The following KCNH7 variants were observed in gnomAD, a reference collection of about 807,000 sequenced individuals.
The protein encoded by KCNH7 is voltage-gated inwardly rectifying potassium channel KCNH7.
In KCNH7, 49 loss-of-function variants were observed where a neutral mutation model predicts 120.8. The ratio of observed to expected loss-of-function variants is 0.41; its 90% CI spans 0.32 to 0.51. The LOEUF (loss-of-function observed/expected upper bound fraction) is 0.51, where lower values mean the gene tolerates loss of function less well. KCNH7 is among the 20% of genes least tolerant of loss of function. The pLI, the probability that KCNH7 is intolerant of heterozygous loss-of-function variation, is 0.38. For synonymous variants in KCNH7, 547 were observed against 516.1 expected (o/e 1.06, Z -0.81); for missense variants, 1,097 against 1,446.6 (o/e 0.76, Z 3.92).
At chr2:162,637,499 A>G (rs1684004062) in intron 2 of KCNH7, among the ~76,000 whole-genome samples, 1 of 152,140 alleles carries the variant, frequency 6.6e-6, no homozygotes, top group African/African-American at 2.4e-5. Context: ...TTTCACTTAG[A>G]AAGAAGAAAT....
chr2:162,799,190 A>C (rs1684254348), intron 2 of KCNH7, among the ~76,000 whole-genome samples: 1 of 151,960 alleles, frequency 6.6e-6, no homozygotes, highest in African/African-American at 2.4e-5. Context: ...TCTCCTTTTT[A>C]ACTGGCCCTT....
intron 2 of KCNH7, among the ~76,000 whole-genome samples, chr2:162,810,524 G>T (rs1394107535): frequency 1.3e-5 from 2 of 152,018 alleles, no homozygotes; most frequent in Non-Finnish European, 2.9e-5. Context: ...TTGAGTAGAG[G>T]TCAGCTAATA....
At chr2:162,432,488 A>G (rs971718635) in intron 8 of KCNH7, among the ~76,000 whole-genome samples, 2 of 152,084 alleles carry the variant, frequency 1.3e-5, no homozygotes, top group African/African-American at 4.8e-5. Context: ...GGATTTATCT[A>G]AGCACATTTT....
At chr2:162,407,869 A>G (rs1687274241) in intron 9 of KCNH7, among the ~76,000 whole-genome samples, 1 of 152,074 alleles carries the variant, frequency 6.6e-6, no homozygotes, top group Non-Finnish European at 1.5e-5. Context: ...GGTGATGAAA[A>G]GAATAATTTA....
At chr2:162,725,992 G>A (rs1042379635) in intron 2 of KCNH7, among the ~76,000 whole-genome samples, 2 of 152,036 alleles carry the variant, frequency 1.3e-5, no homozygotes, top group Non-Finnish European at 1.5e-5. Context: ...TTATTATCAT[G>A]CTTTTAAATA....
At chr2:162,573,764 T>C (rs2105903785) in intron 2 of KCNH7, among the ~76,000 whole-genome samples, 1 of 152,160 alleles carries the variant, frequency 6.6e-6, no homozygotes, top group Non-Finnish European at 1.5e-5. Flanking sequence ...ATGTTCAATA[T>C]GGTATACTTG....
intron 2 of KCNH7, among the ~76,000 whole-genome samples, chr2:162,766,382 G>T (rs191011170): frequency 1.5e-3 from 235 of 152,260 alleles, no homozygotes; most frequent in South Asian, 3.3e-3. Flanking sequence ...GAAAGACCTA[G>T]TTATCAGTGA....
Position 162,396,910 on chromosome 2 carries a change from A to C in KCNH7, c.2443T>G (p.Tyr815Asp). ...GCATTAGACTTTCCAGGTTTGGCAT[A>C]AAGATGAACCATTTCTCCAAATATA... ...NDIFGEMVHL[Y>D]AKPGKSNADV... Residue 815 changes from tyrosine (Y) to aspartate (D), a missense_variant, in exon 11 of 16, where the codon TAT (tyrosine) becomes GAT (aspartate). Transcript: ENST00000332142. The C allele has an allele frequency of 6.2e-7, 1 of 1,610,830 alleles. No homozygotes were observed. The highest frequency in any genetic ancestry group is 8.5e-7 in the Non-Finnish European group (1 of 1,177,948).
At chr2:162,693,967 T>C (rs938917754) in intron 2 of KCNH7, among the ~76,000 whole-genome samples, 3 of 152,170 alleles carry the variant, frequency 2.0e-5, no homozygotes, top group African/African-American at 4.8e-5. Flanking sequence ...GGTACAGTGA[T>C]TTAATAAATT....
Position 162,536,948 on chromosome 2 carries a change from A to G in KCNH7, c.440T>C (p.Ile147Thr), listed in dbSNP as rs769961700. The G allele has an allele frequency of 1.6e-5, 26 of 1,612,708 alleles. No homozygotes were observed. The highest frequency in any genetic ancestry group is 3.3e-4 in the Middle Eastern group (2 of 6,046). The change falls in exon 3 of 16, where the codon ATA (isoleucine) becomes ACA (threonine). Residue 147 changes from isoleucine (I) to threonine (T), a missense_variant. By Grantham distance (89) the Ile-to-Thr change is moderately conservative (BLOSUM62 -1). This residue lies in a region of KCNH7 where 362 missense variants were observed against 372.2 expected (regional missense o/e 0.97). Coordinates refer to ENST00000332142, the MANE Select transcript of KCNH7 (RefSeq NM_033272.4). ...NAATPERVNP[I>T]LPIKTVNRKF... is the part of the protein sequence containing the mutation. ...ACGGTTTACAGTTTTGATTGGTAATATTGGGTTTACCCTCTCTGGGGTGGC... is the reference window on the plus strand; with the variant it reads ...ACGGTTTACAGTTTTGATTGGTAATGTTGGGTTTACCCTCTCTGGGGTGGC...
At chr2:162,427,489 A>G (rs1558939225) in intron 8 of KCNH7, among the ~76,000 whole-genome samples, 1 of 152,018 alleles carries the variant, frequency 6.6e-6, no homozygotes, top group African/African-American at 2.4e-5. Flanking sequence ...TTTATTCATC[A>G]TTCATATATA....
intron 2 of KCNH7, among the ~76,000 whole-genome samples, chr2:162,545,130 C>T (rs1692435235): frequency 1.3e-5 from 2 of 152,054 alleles, no homozygotes; most frequent in African/African-American, 4.8e-5. Context: ...ATTAGTGTTA[C>T]CCGAAGAGTG....
At chr2:162,469,532 T>C (rs1321612810) in intron 6 of KCNH7, among the ~76,000 whole-genome samples, 1 of 152,210 alleles carries the variant, frequency 6.6e-6, no homozygotes, top group Non-Finnish European at 1.5e-5. Flanking sequence ...TTTTGGTTTT[T>C]GTTTGTTTTC....
intron 2 of KCNH7, among the ~76,000 whole-genome samples, chr2:162,562,287 T>C (rs1052414195): frequency 6.6e-6 from 1 of 152,214 alleles, no homozygotes; most frequent in African/African-American, 2.4e-5. Context: ...TGATGGTTGA[T>C]GTATAATATG....
chr2:162,594,804 T>C (rs1485981), intron 2 of KCNH7, among the ~76,000 whole-genome samples: 147,751 of 152,090 alleles, frequency 0.97, 71,792 homozygotes, highest in East Asian at 0.99. Context: ...TATGCAGATG[T>C]TACACCATTT....
intron 6 of KCNH7, among the ~76,000 whole-genome samples, chr2:162,497,873 T>C (rs939458585): frequency 1.3e-5 from 2 of 152,286 alleles, no homozygotes; most frequent in East Asian, 1.9e-4. Flanking sequence ...TTACCATAAT[T>C]CTATTTTCAT....
At chr2:162,462,823 T>C (rs905714187) in intron 6 of KCNH7, among the ~76,000 whole-genome samples, 5 of 152,180 alleles carry the variant, frequency 3.3e-5, no homozygotes, top group African/African-American at 9.6e-5. Flanking sequence ...GATTTGGTCA[T>C]TCCACAATGT....
chr2:162,527,197 C>A (rs1203138538), intron 3 of KCNH7, among the ~76,000 whole-genome samples: 3 of 151,910 alleles, frequency 2.0e-5, no homozygotes, highest in African/African-American at 7.2e-5. Context: ...TGCAACCATG[C>A]CATGTTTCCT....
At chr2:162,508,837 A>G (rs1293697986) in intron 5 of KCNH7, among the ~76,000 whole-genome samples, 1 of 151,500 alleles carries the variant, frequency 6.6e-6, no homozygotes, top group Non-Finnish European at 1.5e-5. Context: ...TAATGAAAGA[A>G]AGGAGAATAA....
Sources: allele counts gnomAD v4.1 joint callset (sites outside exome capture counted in the v4.1 genomes callset), GRCh38; gene constraint gnomAD v4.1.1; regional missense constraint gnomAD v4.1.1; transcripts MANE v1.5; gene names NCBI Gene and HGNC (gene_info 2026-07-23, HGNC 2026-07-21).